Variants in PDAP1 observed in about 807,000 individuals in gnomAD.
The protein encoded by PDAP1 is 28 kDa heat- and acid-stable phosphoprotein.
PDAP1 carries 13 observed loss-of-function variants against 28.0 expected under a neutral mutation model. The observed-to-expected ratio is 0.46, with a 90% CI of 0.30 to 0.74. The LOEUF is 0.74. Among genes scored for constraint, PDAP1 ranks in the 30% least tolerant of loss-of-function variants. The pLI is 0.07. For synonymous variants in PDAP1, 77 were observed against 85.1 expected, an observed-to-expected ratio of 0.91 and a Z score of 0.52; for missense variants, 150 against 230.0, an observed-to-expected ratio of 0.65 and a Z score of 2.25.
intron 4 of PDAP1, among the ~76,000 whole-genome samples, chr7:99,399,873 G>A (rs1169605685): frequency 1.3e-5 from 2 of 152,240 alleles, no homozygotes; most frequent in Non-Finnish European, 2.9e-5. Flanking sequence ...AGAGGCCTGG[G>A]ACAGCTGGCT....
At chr7:99,404,687 C>T (rs1300843607) in intron 2 of PDAP1, among the ~76,000 whole-genome samples, 175 bp downstream of exon 2, 2 of 152,292 alleles carry the variant, frequency 1.3e-5, no homozygotes, top group Admixed American at 1.3e-4. Context: ...AGGATGCCCA[C>T]GCCCTGACTG....
rs1458870865 is a variant in PDAP1 at position 99,395,980 on chromosome 7, A to C, written c.*702T>G. 6.5e-6 allele frequency: 1 copy of C among 152,844 alleles called. No individual in the cohort carries two copies. Among genetic ancestry groups the C allele is most frequent in the Non-Finnish European group, 1.5e-5 (1 of 68,166 alleles). The allele number at this position is 152,844 out of a possible 1,614,324, so 9.5% of individuals were successfully genotyped here. A position where few individuals can be genotyped will look rare whatever the true frequency, so the allele number is the denominator to read the frequency against. On this transcript the variant is annotated 3_prime_UTR_variant, in exon 6 of 6. Coordinates refer to ENST00000350498, the MANE Select transcript of PDAP1 (RefSeq NM_014891.7). ...AAGCCAAAGGATGGATTGCCAAAACAAAGATTACGATAATGTCAAGTTTAA... is the reference window on the plus strand; with the variant it reads ...AAGCCAAAGGATGGATTGCCAAAACCAAGATTACGATAATGTCAAGTTTAA...
chr7:99,397,264 A>AGG (rs1264111507), intron 5 of PDAP1, among the ~76,000 whole-genome samples: 1 of 152,110 alleles, frequency 6.6e-6, no homozygotes, highest in East Asian at 1.9e-4. Context: ...ATGGACATGT[A>AGG]GGGGCTCTCA....
In PDAP1 at chr7:99,403,441, G is replaced by A. The variant is rs779462507; in HGVS notation, c.170C>T (p.Ser57Phe). The A allele has an allele frequency of 1.2e-6, 2 of 1,611,468 alleles. No homozygotes were observed. Among genetic ancestry groups the A allele is most frequent in the Non-Finnish European group, 8.5e-7 (1 of 1,177,612 alleles). ...AAGDPKKEKK[S>F]LDSDESEDEE... is the part of the protein sequence containing the mutation. Reference sequence around the variant, plus strand: ...ATCCTCACTCTCATCTGAGTCTAGAGATTTCTTCTCCTTTTTGGGGTCACC... The same window carrying A: ...ATCCTCACTCTCATCTGAGTCTAGAAATTTCTTCTCCTTTTTGGGGTCACC... The change falls in exon 3 of 6, where the codon TCT becomes TTT. Residue 57 changes from serine (S) to phenylalanine (F), a missense_variant. Physicochemically the swap from Ser to Phe is radical, Grantham distance 155. Transcript: ENST00000350498.
chr7:99,397,570 A>G (rs1051648475), intron 5 of PDAP1, among the ~76,000 whole-genome samples: 2 of 152,180 alleles, frequency 1.3e-5, no homozygotes, highest in African/African-American at 4.8e-5. Context: ...TACTAGGGGC[A>G]TGGTTTCCTG....
chr7:99,396,675 G>C lies in PDAP1; in HGVS notation c.*7C>G. Reference sequence around the variant, plus strand: ...AGGTCCCCGGCATCTCCTCCCACGGGTCGCAGTTACTTATTCAGGGAGAGT... The same window carrying C: ...AGGTCCCCGGCATCTCCTCCCACGGCTCGCAGTTACTTATTCAGGGAGAGT... On this transcript the variant is annotated 3_prime_UTR_variant, in exon 6 of 6. Coordinates refer to ENST00000350498, the MANE Select transcript of PDAP1 (RefSeq NM_014891.7). 6.2e-7 allele frequency: 1 copy of C among 1,610,292 alleles called. No homozygotes were observed. Among genetic ancestry groups the C allele is most frequent in the African/African-American group, 1.3e-5 (1 of 74,914 alleles).
chr7:99,398,861 G>T (rs1794811307), intron 4 of PDAP1, among the ~76,000 whole-genome samples: 1 of 152,224 alleles, frequency 6.6e-6, no homozygotes, highest in South Asian at 2.1e-4. Context: ...TGCCCCCCAA[G>T]GGGACAGCCC....
intron 3 of PDAP1, among the ~76,000 whole-genome samples, chr7:99,400,998 G>C (rs1345944258): frequency 1.3e-5 from 2 of 152,098 alleles, no homozygotes; most frequent in Admixed American, 6.6e-5. Flanking sequence ...CAGAAGAAGG[G>C]GGTGTGTTCT....
At chr7:99,402,679 G>A (rs926735822) in intron 3 of PDAP1, among the ~76,000 whole-genome samples, 1 of 151,104 alleles carries the variant, frequency 6.6e-6, no homozygotes, top group Non-Finnish European at 1.5e-5. Flanking sequence ...TCAGGAGATG[G>A]AGACCATTCT....
In PDAP1 at chr7:99,394,903, T is replaced by TC; in HGVS notation, c.*1778dup. On this transcript the variant is annotated 3_prime_UTR_variant, in exon 6 of 6. Coordinates refer to ENST00000350498, the MANE Select transcript of PDAP1 (RefSeq NM_014891.7). ...GCTGCACTAGAACTCGTGGGAGCAA[T>TC]CCTTCTGCCTCAGCCTCCCAAGTAG... The TC allele has an allele frequency of 1.0e-6, 1 of 1,000,626 alleles. No individual in the cohort carries two copies. Among genetic ancestry groups the TC allele is most frequent in the East Asian group, 3.6e-5 (1 of 27,854 alleles). The allele number at this position is 1,000,626 out of a possible 1,614,324, so 62.0% of individuals were successfully genotyped here. A position where few individuals can be genotyped will look rare whatever the true frequency, so the allele number is the denominator to read the frequency against.
intron 1 of PDAP1, chr7:99,406,439 C>G: frequency 2.9e-6 from 1 of 343,336 alleles, no homozygotes; most frequent in Non-Finnish European, 4.1e-6. Context: ...AAACCCAAAC[C>G]TACAGGCAAA....
intron 5 of PDAP1, among the ~76,000 whole-genome samples, chr7:99,397,146 TG>T (rs1237312787): frequency 4.6e-5 from 7 of 152,150 alleles, no homozygotes; most frequent in Admixed American, 4.6e-4. Context: ...CAGGGTTGAA[TG>T]GGAAGTTGGG....
rs1554350911 is a variant in PDAP1, at chr7:99,394,779, T to TG, written c.*1902_*1903insC. 1.3e-6 allele frequency: 1 copy of TG among 795,938 alleles called. No homozygotes were observed. The highest frequency in any genetic ancestry group is 1.5e-6 in the Non-Finnish European group (1 of 663,202). The allele number at this position is 795,938 out of a possible 1,614,324, so 49.3% of individuals were successfully genotyped here. On this transcript the variant is annotated 3_prime_UTR_variant, in exon 6 of 6. Coordinates refer to ENST00000350498, the MANE Select transcript of PDAP1 (RefSeq NM_014891.7). ...GTGGAGGTAATAAAATGCAACTGTG[T>TG]AAAAAAAAAAAAAAAAAAAAAAGTA...
intron 1 of PDAP1, among the ~76,000 whole-genome samples, chr7:99,405,296 C>T (rs1284349540): frequency 6.6e-6 from 1 of 152,096 alleles, no homozygotes. Flanking sequence ...AAACATGTAC[C>T]ACTTACATCC....
chr7:99,405,589 C>G (rs990275784), intron 1 of PDAP1, among the ~76,000 whole-genome samples: 1 of 151,894 alleles, frequency 6.6e-6, no homozygotes, highest in Non-Finnish European at 1.5e-5. Context: ...GTCTTGATCT[C>G]TTGACCTCGT....
intron 3 of PDAP1, among the ~76,000 whole-genome samples, chr7:99,403,015 GC>G (rs1175616170): frequency 6.6e-6 from 1 of 152,030 alleles, no homozygotes; most frequent in Admixed American, 6.6e-5. Context: ...AGCTACACTG[GC>G]CCCCTTCTGG....
At chr7:99,402,598 A>AG (rs1163118099) in intron 3 of PDAP1, among the ~76,000 whole-genome samples, 24 of 141,362 alleles carry the variant, frequency 1.7e-4, no homozygotes, top group East Asian at 8.6e-4. Context: ...AAAAAAAAAA[A>AG]GGGGGCTGGG....
chr7:99,401,470 C>G (rs1179239083), intron 3 of PDAP1, among the ~76,000 whole-genome samples: 1 of 151,944 alleles, frequency 6.6e-6, no homozygotes, highest in Non-Finnish European at 1.5e-5. Flanking sequence ...GGATTACAGG[C>G]ATGAACCACC....
rs773085531 is a variant in PDAP1, at chr7:99,394,779, TAAAAAAAAAA to T, written c.*1893_*1902del. On this transcript the variant is annotated 3_prime_UTR_variant, in exon 6 of 6. Transcript: ENST00000350498. ...GTGGAGGTAATAAAATGCAACTGTGTAAAAAAAAAAAAAAAAAAAAAAGTAATTATGGACA... is the reference window on the plus strand; with the variant it reads ...GTGGAGGTAATAAAATGCAACTGTGTAAAAAAAAAAAAGTAATTATGGACA... The T allele has an allele frequency of 4.2e-6, 4 of 957,548 alleles. No homozygotes were observed. Among genetic ancestry groups the T allele is most frequent in the Non-Finnish European group, 4.9e-6 (4 of 809,050 alleles). The allele number at this position is 957,548 out of a possible 1,614,324, so 59.3% of individuals were successfully genotyped here. A position where few individuals can be genotyped will look rare whatever the true frequency, so the allele number is the denominator to read the frequency against.
Sources: allele counts gnomAD v4.1 joint callset (sites outside exome capture counted in the v4.1 genomes callset), GRCh38; gene constraint gnomAD v4.1.1; transcripts MANE v1.5; gene names NCBI Gene and HGNC (gene_info 2026-07-23, HGNC 2026-07-21).